Variants in ORC3 observed in about 807,000 individuals in gnomAD.
ORC3 encodes the protein origin recognition complex subunit 3.
A neutral mutation model predicts 100.7 loss-of-function variants in ORC3; 78 were observed. That is an observed-to-expected ratio of 0.77 (90% CI 0.65 to 0.94). ORC3 has a LOEUF of 0.94. Ranked by LOEUF, ORC3 falls within the 40% of genes least tolerant of loss-of-function variation. ORC3 has a pLI of 0.00. For missense variants in ORC3, 789 were observed against 823.9 expected (o/e 0.96, Z 0.52); for synonymous variants, 295 against 289.3 (o/e 1.02, Z -0.20).
intron 13 of ORC3, among the ~76,000 whole-genome samples, chr6:87,639,853 A>C (rs1768105550): frequency 7.0e-6 from 1 of 143,612 alleles, no homozygotes; most frequent in Admixed American, 7.0e-5. Flanking sequence ...AAAAAAAATT[A>C]GCCTGGCATG....
chr6:87,675,319 C>T, the ORC3 span: 25 of 488,542 alleles, frequency 5.1e-5, no homozygotes, highest in African/African-American at 4.4e-4. Flanking sequence ...CAGCTTTAAT[C>T]CTTTTCAAAC....
At chr6:87,677,236 A>G in the ORC3 span, among the ~76,000 whole-genome samples, 1 of 152,224 alleles carries the variant, frequency 6.6e-6, no homozygotes, top group Non-Finnish European at 1.5e-5. Flanking sequence ...CTGATCAAGT[A>G]TCACAGAAAA....
intron 13 of ORC3, chr6:87,651,273 A>G (rs964099131): frequency 4.4e-6 from 2 of 456,238 alleles, no homozygotes; most frequent in Admixed American, 4.7e-5. Context: ...ACATGCTGCT[A>G]ACTTGGGTTA....
At chr6:87,612,636 G>T (rs1257730140) in intron 8 of ORC3, among the ~76,000 whole-genome samples, 3 of 152,090 alleles carry the variant, frequency 2.0e-5, no homozygotes, top group Non-Finnish European at 2.9e-5. Flanking sequence ...TTTTGAGAAG[G>T]AGTCTAGCTC....
intron 7 of ORC3, among the ~76,000 whole-genome samples, chr6:87,611,000 G>A (rs898961274): frequency 7.5e-4 from 98 of 131,456 alleles, no homozygotes; most frequent in African/African-American, 2.7e-3. Flanking sequence ...GCAGTGACAT[G>A]ATCTTGGCTC....
chr6:87,669,690 A>G (rs1262191989), downstream of ORC3, among the ~76,000 whole-genome samples: 4 of 152,212 alleles, frequency 2.6e-5, no homozygotes, highest in African/African-American at 9.6e-5. Context: ...TTTTTTCGCA[A>G]TATTCTAGTC....
chr6:87,625,180 G>T (rs1459410353), intron 11 of ORC3, among the ~76,000 whole-genome samples: 1 of 152,128 alleles, frequency 6.6e-6, no homozygotes, highest in African/African-American at 2.4e-5. Flanking sequence ...CTTTGTAGTC[G>T]TATGATTTAT....
intron 1 of ORC3, among the ~76,000 whole-genome samples, chr6:87,591,953 A>T (rs952915283): frequency 6.6e-6 from 1 of 152,036 alleles, no homozygotes. Flanking sequence ...CGGGTCTCGA[A>T]CTCCTGACCT....
At chr6:87,646,393 C>T (rs895252482) in intron 13 of ORC3, among the ~76,000 whole-genome samples, 1 of 152,152 alleles carries the variant, frequency 6.6e-6, no homozygotes, top group Non-Finnish European at 1.5e-5. Context: ...TTTAATCTCA[C>T]ATGGTGGCTT....
chr6:87,675,055 C>CAAAAA, the ORC3 span: 2 of 132,318 alleles, frequency 1.5e-5, no homozygotes, highest in African/African-American at 5.4e-5. Flanking sequence ...AATAAAACTA[C>CAAAAA]AAAAAAAAAA....
At chr6:87,675,074 A>T in the ORC3 span, 9 of 152,404 alleles carry the variant, frequency 5.9e-5, no homozygotes, top group Admixed American at 5.9e-4. Context: ...AAAAAATCAT[A>T]CAAACCCATT....
intron 2 of ORC3, 80 bp from the exon 3 acceptor site, chr6:87,601,704 C>A: frequency 1.2e-6 from 1 of 802,470 alleles, no homozygotes; most frequent in Non-Finnish European, 2.1e-6. Context: ...CTGTCACTTA[C>A]TGTGTAACTT....
chr6:87,631,850 A>G (rs145418611), intron 11 of ORC3, among the ~76,000 whole-genome samples: 4 of 152,292 alleles, frequency 2.6e-5, no homozygotes, highest in Non-Finnish European at 4.4e-5. Flanking sequence ...AATAGTGTCC[A>G]TAAGTACATT....
rs150159960 is a variant in ORC3, at chr6:87,609,519, G to A, written c.713+290G>A. 245 of 218,548 alleles carry A rather than the reference G, an allele frequency of 1.1e-3. 3 individuals are homozygous for A. In the East Asian group the frequency reaches 0.022, roughly 19 times the overall value. The allele number at this position is 218,548 out of a possible 1,614,324, so 13.5% of individuals were successfully genotyped here. ...CTGTCTCTTACTCACCCATTAAATA[G>A]ATAAACTACTCCAGGTTGAGTTTGT... On this transcript the variant is annotated intron_variant, in intron 7 of 19. Coordinates refer to ENST00000392844, the MANE Select transcript of ORC3 (RefSeq NM_012381.4).
At chr6:87,675,351 G>A in the ORC3 span, 3 of 541,686 alleles carry the variant, frequency 5.5e-6, no homozygotes, top group South Asian at 8.8e-5. Flanking sequence ...AAGCCAAATT[G>A]TAATGATACA....
In ORC3 at chr6:87,634,871, C is replaced by G. The variant is rs747585300; in HGVS notation, c.1212C>G (p.Asn404Lys). The change falls in exon 12 of 20, where the codon AAC becomes AAG. Residue 404 changes from asparagine (N) to lysine (K), a missense_variant. Coordinates refer to ENST00000392844, the MANE Select transcript of ORC3 (RefSeq NM_012381.4). ...AGGAAACACAATTATTACTAGAAAACCTGCATGTTTATCATATGAATTACT... is the reference window on the plus strand; with the variant it reads ...AGGAAACACAATTATTACTAGAAAAGCTGCATGTTTATCATATGAATTACT... ...LKEETQLLLE[N>K]LHVYHMNYFL... The G allele has an allele frequency of 4.4e-5, 69 of 1,580,600 alleles. No individual in the cohort carries two copies. The highest frequency in any genetic ancestry group is 1.9e-4 in the South Asian group (17 of 90,416).
At chr6:87,630,588 AATAAG>A (rs1767331846) in intron 11 of ORC3, among the ~76,000 whole-genome samples, 1 of 152,236 alleles carries the variant, frequency 6.6e-6, no homozygotes, top group African/African-American at 2.4e-5. Flanking sequence ...ACAGACAATA[AATAAG>A]ATAAATAAGT....
At chr6:87,627,228 A>C (rs150295538) in intron 11 of ORC3, among the ~76,000 whole-genome samples, 3,409 of 147,842 alleles carry the variant, frequency 0.023, 122 homozygotes, top group African/African-American at 0.08. Context: ...CAAACTCCTG[A>C]CTTCAGATAA....
chr6:87,675,717 T>C, the ORC3 span: 2 of 1,474,920 alleles, frequency 1.4e-6, no homozygotes, highest in Non-Finnish European at 1.9e-6. Flanking sequence ...CCAAAAGACT[T>C]GCAAAGTTAT....
Sources: allele counts gnomAD v4.1 joint callset (sites outside exome capture counted in the v4.1 genomes callset), GRCh38; gene constraint gnomAD v4.1.1; transcripts MANE v1.5; gene names NCBI Gene and HGNC (gene_info 2026-07-23, HGNC 2026-07-21).